The following BCAR3 variants were observed in gnomAD, a reference collection of about 807,000 sequenced individuals.
BCAR3 encodes the protein breast cancer anti-estrogen resistance protein 3.
BCAR3 carries 37 observed loss-of-function variants against 80.1 expected under a neutral mutation model. That is an observed-to-expected ratio of 0.46 (90% CI 0.36 to 0.61). BCAR3 has a LOEUF of 0.61. BCAR3 is among the 20% of genes least tolerant of loss of function. The pLI is 0.00. For synonymous variants in BCAR3, 389 were observed against 418.9 expected (o/e 0.93, Z 0.87); for missense variants, 978 against 1,068.2 (o/e 0.92, Z 1.18).
chr1:93,592,270 G>T lies in BCAR3; in HGVS notation c.481C>A (p.Arg161=). 6.2e-7 allele frequency: 1 copy of T among 1,613,340 alleles called. No homozygotes were observed. Among genetic ancestry groups the T allele is most frequent in the South Asian group, 1.1e-5 (1 of 91,080 alleles). ...GAAGGGACAAGACCAGGTACCTGTC[G>T]GGGGATGCGGCCGTGGTACCAGGCA... ...SHAWYHGRIP[R]QVSENLVQRD... Residue 161 remains arginine (R), a synonymous_variant, in exon 4 of 12, where the codon CGA becomes AGA. Transcript: ENST00000260502. The surrounding 1 kb of genome is among the most constrained non-coding windows in gnomAD (Gnocchi z 4.8).
intron 2 of BCAR3, among the ~76,000 whole-genome samples, chr1:93,809,597 A>C (rs568738734): frequency 6.6e-6 from 1 of 151,794 alleles, no homozygotes; most frequent in East Asian, 2.0e-4. Context: ...GCAAAACCCT[A>C]TCTCTACTAA....
chr1:93,663,465 A>G (rs1036104045), intron 2 of BCAR3, among the ~76,000 whole-genome samples: 3 of 152,196 alleles, frequency 2.0e-5, no homozygotes, highest in Non-Finnish European at 4.4e-5. Context: ...TCAGCAAGTC[A>G]AGGAGAAAAA....
At chr1:93,783,165 T>A (rs978333546) in intron 2 of BCAR3, among the ~76,000 whole-genome samples, 1 of 152,180 alleles carries the variant, frequency 6.6e-6, no homozygotes, top group Non-Finnish European at 1.5e-5. Context: ...GAATATCCTA[T>A]CATTGAGTGA....
intron 2 of BCAR3, among the ~76,000 whole-genome samples, chr1:93,751,820 G>A (rs113948226): frequency 6.6e-5 from 10 of 152,334 alleles, no homozygotes; most frequent in Non-Finnish European, 1.0e-4. Flanking sequence ...ACACAAGGGC[G>A]TGTGGCTGGG....
At chr1:93,682,768 G>T (rs572884515), upstream of BCAR3, among the ~76,000 whole-genome samples, 2 of 152,264 alleles carry the variant, frequency 1.3e-5, no homozygotes, top group African/African-American at 4.8e-5. Context: ...GGTCAGGCTG[G>T]TCTCGAACTC....
chr1:93,686,842 T>C (rs1385910208), intron 3 of BCAR3, among the ~76,000 whole-genome samples: 1 of 152,188 alleles, frequency 6.6e-6, no homozygotes, highest in Non-Finnish European at 1.5e-5. Context: ...ATAGTGTCTT[T>C]GTGAGTCAAA....
chr1:93,653,595 A>G (rs1647221032), intron 2 of BCAR3, among the ~76,000 whole-genome samples: 1 of 152,228 alleles, frequency 6.6e-6, no homozygotes, highest in Non-Finnish European at 1.5e-5. Context: ...CAATGGAAAC[A>G]CAGGAACCAA....
At chr1:93,684,151 TCAAA>T (rs1370011684), upstream of BCAR3, among the ~76,000 whole-genome samples, 2 of 152,206 alleles carry the variant, frequency 1.3e-5, no homozygotes, top group South Asian at 4.1e-4. Flanking sequence ...GCAGTGAATG[TCAAA>T]CAGACCAGCT....
At chr1:93,752,614 A>G (rs994837617) in intron 2 of BCAR3, among the ~76,000 whole-genome samples, 1 of 152,250 alleles carries the variant, frequency 6.6e-6, no homozygotes, top group African/African-American at 2.4e-5. Flanking sequence ...ATACGGTATC[A>G]TTGCTCTCAT....
intron 8 of BCAR3, among the ~76,000 whole-genome samples, chr1:93,573,352 G>A (rs560325409): frequency 9.9e-5 from 15 of 152,120 alleles, no homozygotes; most frequent in African/African-American, 2.6e-4. Flanking sequence ...AGCAGATTGC[G>A]CCACTGCACT....
At chr1:93,759,272 ATC>A (rs769786601) in intron 2 of BCAR3, among the ~76,000 whole-genome samples, 2 of 152,218 alleles carry the variant, frequency 1.3e-5, no homozygotes, top group Non-Finnish European at 2.9e-5. Flanking sequence ...GACAGGAAAG[ATC>A]TCTCTTTCTC....
At chr1:93,692,021 T>C (rs1389279460) in intron 3 of BCAR3, among the ~76,000 whole-genome samples, 1 of 152,230 alleles carries the variant, frequency 6.6e-6, no homozygotes, top group African/African-American at 2.4e-5. Flanking sequence ...AAATAATGTT[T>C]CTAAAATTCC....
chr1:93,649,652 T>G (rs1385430890), intron 2 of BCAR3, among the ~76,000 whole-genome samples: 1 of 152,086 alleles, frequency 6.6e-6, no homozygotes, highest in African/African-American at 2.4e-5. Context: ...CAGAATGACT[T>G]GTTCAGCACC....
intron 7 of BCAR3, among the ~76,000 whole-genome samples, chr1:93,580,872 G>C (rs1011985262): frequency 6.6e-6 from 1 of 152,122 alleles, no homozygotes; most frequent in African/African-American, 2.4e-5. Flanking sequence ...ACAAAAAAAT[G>C]GTGATGGGCC....
chr1:93,593,960 C>T (rs549994370), intron 3 of BCAR3, among the ~76,000 whole-genome samples: 6 of 152,138 alleles, frequency 3.9e-5, no homozygotes, highest in Non-Finnish European at 8.8e-5. Context: ...CAAAGAGATG[C>T]GGACGCTGGC....
intron 2 of BCAR3, among the ~76,000 whole-genome samples, chr1:93,746,443 A>G (rs1040337797): frequency 6.6e-6 from 1 of 152,232 alleles, no homozygotes; most frequent in Admixed American, 6.5e-5. Context: ...TCCTTAAAGA[A>G]ACAGAGCTTC....
At chr1:93,749,884 G>A (rs1651492877) in intron 2 of BCAR3, among the ~76,000 whole-genome samples, 2 of 135,222 alleles carry the variant, frequency 1.5e-5, no homozygotes, top group African/African-American at 3.0e-5. Context: ...AGATGATCTT[G>A]ACTTATTTTT....
intron 2 of BCAR3, among the ~76,000 whole-genome samples, chr1:93,707,748 A>G (rs1252731886): frequency 1.3e-5 from 2 of 152,194 alleles, no homozygotes; most frequent in Admixed American, 1.3e-4. Context: ...ACGGTCCCCA[A>G]GCCTGGATCA....
chr1:93,798,245 CT>C (rs1384415399), intron 2 of BCAR3, among the ~76,000 whole-genome samples: 1 of 152,328 alleles, frequency 6.6e-6, no homozygotes, highest in East Asian at 1.9e-4. Flanking sequence ...AGCATTCTCC[CT>C]TAGTCATATT....
Sources: allele counts gnomAD v4.1 joint callset (sites outside exome capture counted in the v4.1 genomes callset), GRCh38; gene constraint gnomAD v4.1.1; non-coding constraint Gnocchi (gnomAD v3.1); transcripts MANE v1.5; gene names NCBI Gene and HGNC (gene_info 2026-07-23, HGNC 2026-07-21).